LRP1B: variants seen among roughly 807,000 people sequenced by gnomAD.
The protein encoded by LRP1B is LDL receptor related protein 1B.
A neutral mutation model predicts 556.6 loss-of-function variants in LRP1B; 217 were observed. The ratio of observed to expected loss-of-function variants is 0.39; its 90% CI spans 0.35 to 0.44. The LOEUF (loss-of-function observed/expected upper bound fraction) is 0.44, where lower values mean the gene tolerates loss of function less well. Among genes scored for constraint, LRP1B ranks in the 20% least tolerant of loss-of-function variants. The pLI, the probability that LRP1B is intolerant of heterozygous loss-of-function variation, is 1.00. For synonymous variants in LRP1B, 2,047 were observed against 1,865.8 expected (o/e 1.10, Z -2.50); for missense variants, 5,053 against 5,620.8 (o/e 0.90, Z 3.23).
At chr2:140,285,660 G>A (rs1324377118) in intron 84 of LRP1B, among the ~76,000 whole-genome samples, 2 of 151,458 alleles carry the variant, frequency 1.3e-5, no homozygotes, top group Non-Finnish European at 3.0e-5. Context: ...ATAATTCAAA[G>A]GTTTCAGAAA....
intron 1 of LRP1B, among the ~76,000 whole-genome samples, chr2:141,975,172 A>G (rs944741271): frequency 6.6e-6 from 1 of 152,004 alleles, no homozygotes; most frequent in African/African-American, 2.4e-5. Context: ...TGACTAATAC[A>G]TGAACTGTTG....
intron 2 of LRP1B, among the ~76,000 whole-genome samples, chr2:141,505,387 A>T (rs1297319938): frequency 6.6e-6 from 1 of 152,094 alleles, no homozygotes; most frequent in East Asian, 1.9e-4. Flanking sequence ...CCTGTTCAAC[A>T]CACACATACT....
chr2:140,554,935 C>A, intron 43 of LRP1B, among the ~76,000 whole-genome samples: 1 of 150,680 alleles, frequency 6.6e-6, no homozygotes, highest in African/African-American at 2.4e-5. Context: ...TGCGTATGTA[C>A]ACAAAATAAA....
At chr2:141,761,644 C>A (rs543095331) in intron 2 of LRP1B, among the ~76,000 whole-genome samples, 28 of 152,212 alleles carry the variant, frequency 1.8e-4, no homozygotes, top group African/African-American at 6.5e-4. Flanking sequence ...ACCTGTTGGA[C>A]ACTGAACAGC....
chr2:140,853,784 C>G (rs76993811), intron 27 of LRP1B, among the ~76,000 whole-genome samples: 1,598 of 152,126 alleles, frequency 0.011, 22 homozygotes, highest in African/African-American at 0.032. Flanking sequence ...AGCTTTTGTT[C>G]CAGAGATTCC....
intron 7 of LRP1B, among the ~76,000 whole-genome samples, chr2:141,108,033 TC>T: frequency 6.6e-6 from 1 of 152,106 alleles, no homozygotes; most frequent in Non-Finnish European, 1.5e-5. Context: ...AGAAAAATAG[TC>T]AATTAAAATA....
At chr2:141,935,038 G>A (rs926158966) in intron 1 of LRP1B, among the ~76,000 whole-genome samples, 6 of 119,332 alleles carry the variant, frequency 5.0e-5, no homozygotes, top group Admixed American at 1.9e-4. Flanking sequence ...TAGGAAAACT[G>A]GACTCTGGTG....
chr2:141,449,707 CAT>C (rs1681340196), intron 3 of LRP1B, among the ~76,000 whole-genome samples: 1 of 152,130 alleles, frequency 6.6e-6, no homozygotes, highest in South Asian at 2.1e-4. Flanking sequence ...TGGTCAAAAA[CAT>C]ATTTTGTTTC....
intron 59 of LRP1B, among the ~76,000 whole-genome samples, chr2:140,477,877 C>G (rs966842418): frequency 1.3e-4 from 20 of 152,076 alleles, no homozygotes; most frequent in African/African-American, 4.8e-4. Context: ...AAATTACTCC[C>G]CACTTATGAA....
chr2:141,227,420 A>G (rs530789891), intron 6 of LRP1B, among the ~76,000 whole-genome samples: 12 of 152,202 alleles, frequency 7.9e-5, no homozygotes, highest in Non-Finnish European at 1.5e-4. Context: ...GCCTAAGCCA[A>G]TGTCTGAAAT....
intron 3 of LRP1B, among the ~76,000 whole-genome samples, chr2:141,380,568 C>G (rs1380572729): frequency 2.0e-5 from 3 of 152,182 alleles, no homozygotes; most frequent in Non-Finnish European, 4.4e-5. Flanking sequence ...TGAGAGCTGA[C>G]AGGGCTTGGA....
At chr2:141,106,710 T>C (rs1700611148) in intron 7 of LRP1B, among the ~76,000 whole-genome samples, 2 of 152,052 alleles carry the variant, frequency 1.3e-5, no homozygotes, top group Admixed American at 6.6e-5. Flanking sequence ...TAAGGAAAAA[T>C]CCACCACAGG....
At chr2:141,428,775 T>C (rs1680462999) in intron 3 of LRP1B, among the ~76,000 whole-genome samples, 1 of 152,168 alleles carries the variant, frequency 6.6e-6, no homozygotes, top group Admixed American at 6.6e-5. Flanking sequence ...ATCTTGTATA[T>C]TACATCTCAA....
chr2:141,206,877 T>C (rs1291576738), intron 6 of LRP1B, among the ~76,000 whole-genome samples: 1 of 152,196 alleles, frequency 6.6e-6, no homozygotes, highest in Admixed American at 6.5e-5. Flanking sequence ...TACTTGGAGT[T>C]GTGTTTCAGA....
At chr2:142,126,436 G>C (rs186373776) in intron 1 of LRP1B, among the ~76,000 whole-genome samples, 6 of 151,860 alleles carry the variant, frequency 4.0e-5, no homozygotes, top group Admixed American at 6.6e-5. Flanking sequence ...AACACACACA[G>C]AGAGAGATTA....
At position 140,868,180 on chromosome 2, in the gene LRP1B, T is replaced by C; in HGVS notation, c.4253A>G (p.Tyr1418Cys). Residue 1418 changes from tyrosine to cysteine, a missense_variant, in exon 26 of 91, where the codon TAT (tyrosine) becomes TGT (cysteine). Physicochemically the swap from Tyr to Cys is radical, Grantham distance 194. Around this residue, in one of 5 missense-constraint regions of LRP1B, gnomAD observed 3,619 missense variants for 3,931.9 expected, o/e 0.92. Transcript: ENST00000389484. ...CCAAGCCCCAGTTTTCATGTCTTTA[T>C]AGATGGTTTTTCTCCCAGCACCACT... is the stretch of plus-strand genomic sequence containing the variant. ...SMSGAGRKTI[Y>C]KDMKTGAWPN... 1.2e-6 allele frequency: 2 copies of C among 1,610,478 alleles called. No individual in the cohort carries two copies. The highest frequency in any genetic ancestry group is 1.7e-6 in the Non-Finnish European group (2 of 1,178,716).
chr2:140,986,283 T>G (rs937887770), intron 17 of LRP1B, among the ~76,000 whole-genome samples: 5 of 152,124 alleles, frequency 3.3e-5, no homozygotes, highest in Admixed American at 6.6e-5. Flanking sequence ...TTCAATTGTT[T>G]CAGTTTTTCA....
chr2:140,277,502 G>A (rs1053678172), intron 84 of LRP1B, among the ~76,000 whole-genome samples: 6 of 151,896 alleles, frequency 4.0e-5, no homozygotes, highest in South Asian at 2.1e-4. Flanking sequence ...CAGGAGAATC[G>A]CTTGAACCCA....
intron 3 of LRP1B, among the ~76,000 whole-genome samples, chr2:141,299,833 G>T (rs2105427147): frequency 6.6e-6 from 1 of 152,228 alleles, no homozygotes; most frequent in South Asian, 2.1e-4. Context: ...ATGGGCCCAG[G>T]ACTTCAATAT....
Sources: gnomAD v4.1 joint callset for allele counts (sites outside exome capture counted in the v4.1 genomes callset) on GRCh38, gnomAD v4.1.1 for gene constraint, gnomAD v4.1.1 regional missense constraint, MANE v1.5 for transcripts, NCBI Gene and HGNC (gene_info 2026-07-23, HGNC 2026-07-21) for gene names.